SYT14: variants seen among roughly 807,000 people sequenced by gnomAD.
The protein encoded by SYT14 is synaptotagmin 14, also known as synaptotagmin-14.
In SYT14, 32 loss-of-function variants were observed where a neutral mutation model predicts 74.2. The ratio of observed to expected loss-of-function variants is 0.43; its 90% CI spans 0.33 to 0.58. SYT14 has a LOEUF of 0.58. Ranked by LOEUF, SYT14 falls within the 20% of genes least tolerant of loss-of-function variation. The pLI is 0.05. For missense variants in SYT14, 791 were observed against 981.8 expected (o/e 0.81, Z 2.60); for synonymous variants, 298 against 337.7 (o/e 0.88, Z 1.29).
intron 1 of SYT14, among the ~76,000 whole-genome samples, chr1:209,946,957 G>C (rs2102659704): frequency 6.6e-6 from 1 of 152,292 alleles, no homozygotes; most frequent in East Asian, 1.9e-4. Flanking sequence ...AATGTGCTCT[G>C]TGTGTGCTCT....
At chr1:210,076,779 A>G (rs2081508931) in intron 5 of SYT14, among the ~76,000 whole-genome samples, 1 of 152,168 alleles carries the variant, frequency 6.6e-6, no homozygotes. Context: ...GCCAAATCTC[A>G]TGATAACTCA....
chr1:210,013,914 C>A, intron 3 of SYT14, 117 bp downstream of exon 3: 2 of 988,438 alleles, frequency 2.0e-6, no homozygotes, highest in Non-Finnish European at 2.9e-6. Context: ...AATATTTGAG[C>A]TACTGTTCTG....
At chr1:209,967,215 C>A (rs2079170367) in intron 2 of SYT14, among the ~76,000 whole-genome samples, 1 of 152,030 alleles carries the variant, frequency 6.6e-6, no homozygotes, top group African/African-American at 2.4e-5. Flanking sequence ...AGTGGATTTG[C>A]TAAAAATTTG....
intron 2 of SYT14, among the ~76,000 whole-genome samples, chr1:209,991,819 G>A (rs2079692180): frequency 6.7e-6 from 1 of 149,980 alleles, no homozygotes; most frequent in African/African-American, 2.5e-5. Context: ...GATAAAGCGA[G>A]ACTCCGTCTC....
intron 5 of SYT14, among the ~76,000 whole-genome samples, chr1:210,054,684 C>T (rs1358858729): frequency 6.6e-6 from 1 of 152,144 alleles, no homozygotes; most frequent in Non-Finnish European, 1.5e-5. Flanking sequence ...TTCAGACTCC[C>T]ACATGTCAGT....
chr1:209,944,318 C>T (rs1019863190), intron 1 of SYT14, among the ~76,000 whole-genome samples: 1 of 152,036 alleles, frequency 6.6e-6, no homozygotes, highest in Non-Finnish European at 1.5e-5. Context: ...ACGTAATTGA[C>T]TAAACGGATT....
At chr1:209,984,673 T>G (rs1295028866) in intron 2 of SYT14, among the ~76,000 whole-genome samples, 1 of 152,204 alleles carries the variant, frequency 6.6e-6, no homozygotes, top group Non-Finnish European at 1.5e-5. Flanking sequence ...AGTCCATTCT[T>G]CTACTGCTAT....
At chr1:210,006,873 C>T (rs2079997074) in intron 2 of SYT14, among the ~76,000 whole-genome samples, 1 of 151,472 alleles carries the variant, frequency 6.6e-6, no homozygotes, top group Non-Finnish European at 1.5e-5. Flanking sequence ...TAAATATCCC[C>T]CATATATTTA....
rs77254987 is a variant in SYT14, at chr1:210,056,376, G to A, written c.1312+35122G>A. Reference sequence around the variant, plus strand: ...ATGTTTTTCATTAAGGGGTTCTGTGGATCCTTGGTAGGGGTTTGTTCTAGG... The same window carrying A: ...ATGTTTTTCATTAAGGGGTTCTGTGAATCCTTGGTAGGGGTTTGTTCTAGG... On this transcript the variant is annotated intron_variant, in intron 5 of 9. Transcript: ENST00000637265. Among the ~76,000 whole-genome samples, 845 of 152,192 alleles carry A rather than the reference G, an allele frequency of 5.6e-3. 11 individuals carry two copies. Among genetic ancestry groups the A allele is most frequent in the African/African-American group, 0.02 (821 of 41,524 alleles).
chr1:209,938,240 TG>T, exon 1 of SYT14: 1 of 1,544,454 alleles, frequency 6.5e-7, no homozygotes, highest in Non-Finnish European at 8.8e-7. Flanking sequence ...GCCATCCAGT[TG>T]GTGCGGTCCA....
intron 1 of SYT14, among the ~76,000 whole-genome samples, chr1:209,942,051 G>T (rs73066419): frequency 2.0e-5 from 3 of 152,112 alleles, no homozygotes; most frequent in African/African-American, 7.2e-5. Context: ...GCCTAACTAC[G>T]TTTTCCATGC....
exon 10 of SYT14, chr1:210,163,335 C>T (rs1257493003): frequency 4.4e-6 from 2 of 453,590 alleles, no homozygotes; most frequent in Non-Finnish European, 8.8e-6. Context: ...GCATAAGTAT[C>T]AAATCCTTCA....
intron 7 of SYT14, among the ~76,000 whole-genome samples, chr1:210,124,078 G>A (rs1232219513): frequency 1.3e-5 from 2 of 152,096 alleles, no homozygotes; most frequent in Non-Finnish European, 2.9e-5. Context: ...AGGTATACTG[G>A]AACCCAGCAC....
At chr1:209,988,422 C>T (rs767039446) in intron 2 of SYT14, among the ~76,000 whole-genome samples, 1 of 152,016 alleles carries the variant, frequency 6.6e-6, no homozygotes, top group African/African-American at 2.4e-5. Context: ...GAGTCAGTTT[C>T]GATTGATTAA....
At chr1:210,102,933 C>T (rs776054633) in intron 7 of SYT14, among the ~76,000 whole-genome samples, 4 of 152,036 alleles carry the variant, frequency 2.6e-5, no homozygotes, top group Non-Finnish European at 5.9e-5. Context: ...CCATGTCAGT[C>T]TCCCAAAACG....
At chr1:210,068,480 G>A (rs962312980) in intron 5 of SYT14, among the ~76,000 whole-genome samples, 2 of 151,654 alleles carry the variant, frequency 1.3e-5, no homozygotes, top group Admixed American at 1.3e-4. Context: ...GAGATTAAGA[G>A]TATCTGTTCT....
intron 8 of SYT14, among the ~76,000 whole-genome samples, chr1:210,157,939 G>A (rs1339272374): frequency 6.6e-6 from 1 of 152,088 alleles, no homozygotes; most frequent in Non-Finnish European, 1.5e-5. Flanking sequence ...ATGTATCACA[G>A]AAGGTGTCTA....
chr1:210,142,975 C>G (rs941753764), intron 7 of SYT14, among the ~76,000 whole-genome samples: 2 of 152,198 alleles, frequency 1.3e-5, no homozygotes, highest in African/African-American at 2.4e-5. Context: ...ATGAGACTTT[C>G]AGTAGATCAA....
chr1:210,027,827 C>T (rs1369295096), intron 5 of SYT14, among the ~76,000 whole-genome samples: 3 of 152,036 alleles, frequency 2.0e-5, no homozygotes, highest in Admixed American at 1.3e-4. Flanking sequence ...GGATTAATTC[C>T]TCCCAATAGT....
Sources: gnomAD v4.1 joint callset for allele counts (sites outside exome capture counted in the v4.1 genomes callset) on GRCh38, gnomAD v4.1.1 for gene constraint, MANE v1.5 for transcripts, NCBI Gene and HGNC (gene_info 2026-07-23, HGNC 2026-07-21) for gene names.